SCNN1D: variants seen among roughly 807,000 people sequenced by gnomAD.
SCNN1D encodes the protein epithelial sodium channel subunit delta.
In SCNN1D, 104 loss-of-function variants were observed where a neutral mutation model predicts 87.8. The ratio of observed to expected loss-of-function variants is 1.18; its 90% CI spans 1.01 to 1.39. The LOEUF (loss-of-function observed/expected upper bound fraction) is 1.39, where lower values mean the gene tolerates loss of function less well. Among genes scored for constraint, SCNN1D ranks in the 40% most tolerant of loss-of-function variants. SCNN1D has a pLI of 0.00. For synonymous variants in SCNN1D, 628 were observed against 481.2 expected (o/e 1.31, Z -3.99); for missense variants, 1,324 against 1,093.9 (o/e 1.21, Z -2.97).
At chr1:1,287,879 C>A in intron 11 of SCNN1D, 43 bp downstream of exon 11, 1 of 1,516,912 alleles carries the variant, frequency 6.6e-7, no homozygotes, top group South Asian at 1.2e-5. Context: ...AGGCCTCCTG[C>A]CCAACCTGGG....
In SCNN1D at chr1:1,286,681, C is replaced by T. The variant is rs973888631; in HGVS notation, c.912-87C>T. On this transcript the variant is annotated intron_variant, in intron 7 of 17. Transcript: ENST00000379116. Reference sequence around the variant, plus strand: ...CTGGGCGTCCCGAGTAGGGGAGGCACTGCTGTCCCGACAGCACACACTGGG... The same window carrying T: ...CTGGGCGTCCCGAGTAGGGGAGGCATTGCTGTCCCGACAGCACACACTGGG... The T allele has an allele frequency of 5.4e-6, 7 of 1,293,776 alleles. No homozygotes were observed. In the Middle Eastern group the frequency reaches 6.5e-4, roughly 120 times the overall value. 80.1% of individuals were successfully genotyped at this position (1,293,776 alleles called of 1,614,324 possible).
At position 1,290,885 on chromosome 1, in the gene SCNN1D, C is replaced by A. The variant is rs538625520; in HGVS notation, c.1918-10C>A. On this transcript the variant is annotated splice_polypyrimidine_tract_variant and intron_variant, in intron 15 of 17. Coordinates refer to ENST00000379116, the MANE Select transcript of SCNN1D (RefSeq NM_001130413.4). ...GGGAGCCGTGGCCACAGCAAACCTT[C>A]CGTCTGCAGGGATGGACTCTGGCCA... The A allele has an allele frequency of 4.3e-6, 7 of 1,609,694 alleles. No homozygotes were observed. In the South Asian group the frequency reaches 7.7e-5, roughly 18 times the overall value.
At chr1:1,288,063 G>A (rs759373321) in intron 12 of SCNN1D, 26 bp downstream of exon 12, 31 of 1,484,244 alleles carry the variant, frequency 2.1e-5, no homozygotes, top group African/African-American at 7.0e-5. Context: ...CAGGGGGTGC[G>A]GGGGCAGGTG....
At chr1:1,288,201 C>T (rs1640652480) in intron 12 of SCNN1D, among the ~76,000 whole-genome samples, 164 bp downstream of exon 12, 1 of 149,628 alleles carries the variant, frequency 6.7e-6, no homozygotes, top group Non-Finnish European at 1.5e-5. Context: ...CCGCTCCATT[C>T]CCTGTGTCTC....
chr1:1,288,194 C>T (rs1300522788), intron 12 of SCNN1D, among the ~76,000 whole-genome samples, 157 bp downstream of exon 12: 1 of 151,060 alleles, frequency 6.6e-6, no homozygotes, highest in Non-Finnish European at 1.5e-5. Context: ...CGTGTCCCCG[C>T]TCCATTCCCT....
chr1:1,281,145 C>T, intron 1 of SCNN1D, 81 bp from the exon 2 acceptor site: 1 of 1,326,870 alleles, frequency 7.5e-7, no homozygotes, highest in Non-Finnish European at 1.0e-6. Flanking sequence ...GGGGGACGCT[C>T]ACCCCAGGGG....
rs144607319 is a variant in SCNN1D, at chr1:1,286,945, G to C, written c.1089G>C (p.Ser363=). ...TCCGTCTGCAGAGGCTGAGCCACTC[G>C]GGCAGCCGGGTCAGAGTGGGGTTCA... ...REIRLQRLSH[S]GSRVRVGFRL... Residue 363 remains serine, a synonymous_variant, in exon 8 of 18, where the codon TCG becomes TCC. Transcript: ENST00000379116. 1 of 1,612,340 alleles carries C rather than the reference G, an allele frequency of 6.2e-7. No homozygotes were observed. The highest frequency in any genetic ancestry group is 8.5e-7 in the Non-Finnish European group (1 of 1,179,790).
In SCNN1D at chr1:1,281,420, G is replaced by A. The variant is rs923548966; in HGVS notation, c.87G>A (p.Trp29Ter). The A allele has an allele frequency of 7.9e-6, 12 of 1,521,614 alleles. No individual in the cohort carries two copies. In the African/African-American group the frequency reaches 1.4e-4, roughly 17 times the overall value. 94.3% of individuals were successfully genotyped at this position (1,521,614 alleles called of 1,614,324 possible). A position where few individuals can be genotyped will look rare whatever the true frequency, so the allele number is the denominator to read the frequency against. The change falls in exon 3 of 18, where the codon TGG (tryptophan) becomes TGA (stop). Residue 29 changes from tryptophan to a stop codon, truncating the protein, a stop_gained. Coordinates refer to ENST00000379116, the MANE Select transcript of SCNN1D (RefSeq NM_001130413.4). LOFTEE classifies it high-confidence loss of function. ...CCCTTCTCTCATTCAGGCTCACCTGGTCATGGTGCAGTGACCACAGGACCC... is the reference window on the plus strand; with the variant it reads ...CCCTTCTCTCATTCAGGCTCACCTGATCATGGTGCAGTGACCACAGGACCC... ...GHLSGPRRLT[W>*]SWCSDHRTPT...
In SCNN1D at chr1:1,286,943, T is replaced by C. The variant is rs757667964; in HGVS notation, c.1087T>C (p.Ser363Pro). 22 of 1,611,822 alleles carry C rather than the reference T, an allele frequency of 1.4e-5. No individual in the cohort carries two copies. Among genetic ancestry groups the C allele is most frequent in the Non-Finnish European group, 1.9e-5 (22 of 1,179,756 alleles). Residue 363 changes from serine (S) to proline (P), a missense_variant, in exon 8 of 18, where the codon TCG (serine) becomes CCG (proline). Coordinates refer to ENST00000379116, the MANE Select transcript of SCNN1D (RefSeq NM_001130413.4). ...REIRLQRLSH[S>P]GSRVRVGFRL... is the part of the protein sequence containing the mutation. ...GATCCGTCTGCAGAGGCTGAGCCAC[T>C]CGGGCAGCCGGGTCAGAGTGGGGTT...
chr1:1,285,826 G>T, intron 6 of SCNN1D, 100 bp from the exon 7 acceptor site: 1 of 1,312,190 alleles, frequency 7.6e-7, no homozygotes, highest in African/African-American at 1.5e-5. Flanking sequence ...CGACCGAGCA[G>T]GTAGGGCGGG....
chr1:1,282,355 C>G (rs1005319533), intron 4 of SCNN1D, 40 bp downstream of exon 4: 40 of 1,546,970 alleles, frequency 2.6e-5, no homozygotes, highest in East Asian at 4.9e-5. Context: ...GGCTCTGCTG[C>G]TGGACCCTGT....
At position 1,288,007 on chromosome 1, in the gene SCNN1D, G is replaced by T; in HGVS notation, c.1632G>T (p.Glu544Asp). ...CTAGGEGVEV[E>D]LLHNTSYTRQ... ...CCGGCGGGGAAGGCGTGGAGGTGGA[G>T]CTGCTACACAACACCTCCTACACCA... is the stretch of plus-strand genomic sequence containing the variant. Residue 544 changes from glutamate to aspartate, a missense_variant, in exon 12 of 18, where the codon GAG becomes GAT. Physicochemically the swap from Glu to Asp is conservative, Grantham distance 45. Transcript: ENST00000379116. 1 of 1,546,744 alleles carries T rather than the reference G, an allele frequency of 6.5e-7. No homozygotes were observed. The highest frequency in any genetic ancestry group is 8.7e-7 in the Non-Finnish European group (1 of 1,145,128).
chr1:1,290,821 C>A, intron 15 of SCNN1D, 74 bp from the exon 16 acceptor site: 1 of 1,584,862 alleles, frequency 6.3e-7, no homozygotes, highest in Non-Finnish European at 8.6e-7. Context: ...TCTCTGCCCC[C>A]ACATCCGCCC....
chr1:1,284,801 C>G (rs772712129), intron 5 of SCNN1D, among the ~76,000 whole-genome samples: 8 of 152,106 alleles, frequency 5.3e-5, no homozygotes, highest in Non-Finnish European at 1.2e-4. Context: ...TCCTGTCTCA[C>G]ACACACGCGC....
At chr1:1,282,834 G>A (rs537621097) in intron 4 of SCNN1D, among the ~76,000 whole-genome samples, 1 of 151,386 alleles carries the variant, frequency 6.6e-6, no homozygotes, top group African/African-American at 2.4e-5. Flanking sequence ...CTCACTGCAA[G>A]CTCCGCCTCC....
At position 1,287,765 on chromosome 1, in the gene SCNN1D, C is replaced by A; in HGVS notation, c.1492C>A (p.His498Asn). The A allele has an allele frequency of 6.2e-7, 1 of 1,600,664 alleles. No individual in the cohort carries two copies. The highest frequency in any genetic ancestry group is 8.5e-7 in the Non-Finnish European group (1 of 1,174,154). ...GIRVMVHGRN[H>N]TPFLGHHSFS... is the part of the protein sequence containing the mutation. ...CAGGGTCATGGTTCACGGCCGTAAC[C>A]ACACGCCCTTCCTGGGGCACCACAG... Residue 498 changes from histidine (H) to asparagine (N), a missense_variant, in exon 11 of 18, where the codon CAC (histidine) becomes AAC (asparagine). His to Asn is a moderately conservative substitution (Grantham distance 68). Transcript: ENST00000379116.
intron 12 of SCNN1D, 50 bp downstream of exon 12, chr1:1,288,087 C>A (rs1390372901): frequency 3.8e-6 from 3 of 785,970 alleles, no homozygotes; most frequent in East Asian, 4.3e-5. Flanking sequence ...CTGGGCTGGC[C>A]AGGGGGTGTG....
intron 11 of SCNN1D, 43 bp from the exon 12 acceptor site, chr1:1,287,896 G>T (rs752853697): frequency 8.5e-6 from 13 of 1,520,584 alleles, no homozygotes; most frequent in Admixed American, 6.1e-5. Context: ...TGGGCTTTGG[G>T]GGGTGAGGGC....
At chr1:1,288,195 T>C (rs1355606663) in intron 12 of SCNN1D, among the ~76,000 whole-genome samples, 158 bp downstream of exon 12, 5 of 150,402 alleles carry the variant, frequency 3.3e-5, no homozygotes, top group Admixed American at 6.6e-5. Flanking sequence ...GTGTCCCCGC[T>C]CCATTCCCTG....
Sources: allele counts gnomAD v4.1 joint callset (sites outside exome capture counted in the v4.1 genomes callset), GRCh38; gene constraint gnomAD v4.1.1; transcripts MANE v1.5; gene names NCBI Gene and HGNC (gene_info 2026-07-23, HGNC 2026-07-21).